Variants in EYS observed in about 807,000 individuals in gnomAD.
The protein encoded by EYS is protein eyes shut homolog.
A neutral mutation model predicts 282.1 loss-of-function variants in EYS; 250 were observed. That is an observed-to-expected ratio of 0.89 (90% CI 0.80 to 0.98). The LOEUF is 0.98. Ranked by LOEUF, EYS falls within the 50% of genes least tolerant of loss-of-function variation. The pLI is 0.00. For synonymous variants in EYS, 1,355 were observed against 1,282.9 expected (o/e 1.06, Z -1.20); for missense variants, 4,016 against 3,709.0 (o/e 1.08, Z -2.15).
At chr6:65,479,552 A>G (rs1048513546) in intron 5 of EYS, among the ~76,000 whole-genome samples, 2 of 152,192 alleles carry the variant, frequency 1.3e-5, no homozygotes, top group Non-Finnish European at 2.9e-5. Flanking sequence ...TGTTTAATTT[A>G]TTTATGATAA....
chr6:64,178,632 C>T (rs1421573666), intron 31 of EYS, among the ~76,000 whole-genome samples: 1 of 152,040 alleles, frequency 6.6e-6, no homozygotes, highest in Non-Finnish European at 1.5e-5. Flanking sequence ...CCATAATACA[C>T]TATGAATTCA....
Position 65,344,141 on chromosome 6 carries a change from G to A in EYS, c.1496C>T (p.Ala499Val). 3.1e-6 allele frequency: 5 copies of A among 1,609,800 alleles called. No homozygotes were observed. Among genetic ancestry groups the A allele is most frequent in the Non-Finnish European group, 4.2e-6 (5 of 1,177,338 alleles). ...EGEKCQGVID[A>V]YFFLAANCTE... Reference sequence around the variant, plus strand: ...GCAGTTTGCAGCCAGAAAGAAATAGGCATCAATAACCCCTTGGCACTTTTC... The same window carrying A: ...GCAGTTTGCAGCCAGAAAGAAATAGACATCAATAACCCCTTGGCACTTTTC... Residue 499 changes from alanine to valine, a missense_variant, in exon 10 of 43, where the codon GCC becomes GTC. Transcript: ENST00000503581.
chr6:64,724,603 C>T (rs1180547719), intron 22 of EYS, among the ~76,000 whole-genome samples: 1 of 152,136 alleles, frequency 6.6e-6, no homozygotes, highest in African/African-American at 2.4e-5. Context: ...TTTGAAATTT[C>T]ACATGCTAAC....
intron 13 of EYS, among the ~76,000 whole-genome samples, chr6:65,007,219 A>G (rs1220018161): frequency 1.3e-5 from 2 of 152,156 alleles, no homozygotes; most frequent in African/African-American, 4.8e-5. Context: ...AGGACCATAG[A>G]GGATGCTCTA....
chr6:64,343,733 A>AT (rs1393148539), intron 29 of EYS, among the ~76,000 whole-genome samples: 1 of 152,134 alleles, frequency 6.6e-6, no homozygotes, highest in Non-Finnish European at 1.5e-5. Context: ...AAATAGAGAC[A>AT]TAAAAAACCC....
At chr6:65,620,660 G>C (rs973794186) in intron 2 of EYS, among the ~76,000 whole-genome samples, 1 of 150,092 alleles carries the variant, frequency 6.7e-6, no homozygotes, top group African/African-American at 2.5e-5. Flanking sequence ...GTCAATTTTG[G>C]ATCTTTCCTG....
chr6:63,753,514 G>T (rs1182113036), intron 41 of EYS, among the ~76,000 whole-genome samples: 1 of 152,058 alleles, frequency 6.6e-6, no homozygotes, highest in South Asian at 2.1e-4. Context: ...TGGGAAGCAA[G>T]GACCTTCTTC....
intron 26 of EYS, among the ~76,000 whole-genome samples, chr6:64,489,939 C>T (rs13194506): frequency 0.3 from 45,150 of 150,364 alleles, 6,829 homozygotes; most frequent in East Asian, 0.47. Context: ...AAATGAATAA[C>T]GTAATGATAG....
At chr6:64,927,864 G>C (rs547513930) in intron 15 of EYS, among the ~76,000 whole-genome samples, 9 of 152,010 alleles carry the variant, frequency 5.9e-5, no homozygotes, top group African/African-American at 2.2e-4. Flanking sequence ...GATTTCTCAT[G>C]CTGAAAAAAA....
At chr6:65,576,216 A>G (rs1245122778) in intron 2 of EYS, among the ~76,000 whole-genome samples, 1 of 152,048 alleles carries the variant, frequency 6.6e-6, no homozygotes, top group African/African-American at 2.4e-5. Flanking sequence ...GCACACTAAA[A>G]GGATCACTTA....
intron 22 of EYS, among the ~76,000 whole-genome samples, chr6:64,752,924 C>T (rs1021519688): frequency 6.6e-6 from 1 of 151,990 alleles, no homozygotes; most frequent in South Asian, 2.1e-4. Flanking sequence ...ACCCTATAAA[C>T]CAGAAGAGAC....
intron 35 of EYS, among the ~76,000 whole-genome samples, chr6:63,973,297 C>G (rs1766676560): frequency 6.6e-6 from 1 of 151,962 alleles, no homozygotes; most frequent in Admixed American, 6.6e-5. Flanking sequence ...TGCATTTCTC[C>G]AATGACCTGT....
At chr6:64,991,605 G>A (rs959988258) in intron 14 of EYS, among the ~76,000 whole-genome samples, 2 of 151,372 alleles carry the variant, frequency 1.3e-5, no homozygotes, top group Admixed American at 6.6e-5. Flanking sequence ...CAATACATAG[G>A]GAGACTAACA....
chr6:64,904,390 C>T (rs1321479107), intron 16 of EYS, among the ~76,000 whole-genome samples: 1 of 152,158 alleles, frequency 6.6e-6, no homozygotes, highest in Non-Finnish European at 1.5e-5. Context: ...TATTATGGCT[C>T]TCCTCATTTT....
intron 29 of EYS, among the ~76,000 whole-genome samples, chr6:64,342,251 C>T (rs1422441341): frequency 6.6e-6 from 1 of 151,380 alleles, no homozygotes; most frequent in African/African-American, 2.4e-5. Flanking sequence ...AATTTGGGCA[C>T]ACATCTCTAG....
At chr6:65,437,223 C>T (rs554747713) in intron 5 of EYS, among the ~76,000 whole-genome samples, 2 of 152,078 alleles carry the variant, frequency 1.3e-5, no homozygotes, top group African/African-American at 4.8e-5. Context: ...AATAATAAAG[C>T]AATATCCTAA....
chr6:64,311,058 ATAATT>A (rs777209958), intron 29 of EYS, among the ~76,000 whole-genome samples: 4 of 151,980 alleles, frequency 2.6e-5, no homozygotes, highest in African/African-American at 4.8e-5. Flanking sequence ...TTAAATAAAA[ATAATT>A]TATTAAAATT....
At chr6:63,937,307 C>T (rs1765087049) in intron 35 of EYS, among the ~76,000 whole-genome samples, 1 of 129,528 alleles carries the variant, frequency 7.7e-6, no homozygotes, top group East Asian at 2.5e-4. Context: ...TGATATCAGA[C>T]ACTGTCAAGA....
chr6:65,336,926 C>T (rs955093121), intron 10 of EYS, among the ~76,000 whole-genome samples: 1 of 151,278 alleles, frequency 6.6e-6, no homozygotes, highest in Admixed American at 6.6e-5. Context: ...ACATATATTC[C>T]TAATTTCTAC....
Sources: gnomAD v4.1 joint callset for allele counts (sites outside exome capture counted in the v4.1 genomes callset) on GRCh38, gnomAD v4.1.1 for gene constraint, MANE v1.5 for transcripts, NCBI Gene and HGNC (gene_info 2026-07-23, HGNC 2026-07-21) for gene names.